FHIP1A: variants seen among roughly 807,000 people sequenced by gnomAD.
FHIP1A encodes the protein FHF complex subunit HOOK-interacting protein 1A.
A neutral mutation model predicts 88.6 loss-of-function variants in FHIP1A; 61 were observed. That is an observed-to-expected ratio of 0.69 (90% CI 0.56 to 0.85). The LOEUF (loss-of-function observed/expected upper bound fraction) is 0.85. Among genes scored for constraint, FHIP1A ranks in the 40% least tolerant of loss-of-function variants. The pLI, the probability that FHIP1A is intolerant of heterozygous loss-of-function variation, is 0.00. For synonymous variants in FHIP1A, 478 were observed against 496.0 expected (o/e 0.96, Z 0.48); for missense variants, 1,154 against 1,273.5 (o/e 0.91, Z 1.43).
At position 151,586,804 on chromosome 4, in the gene FHIP1A, C is replaced by T. The variant is rs1216604772; in HGVS notation, c.891+5C>T. ...TTTTGCAATGCAGTCATACAGGTAC[C>T]AGAGCACAATAAAGGATCCCTTTGC... On this transcript the variant is annotated splice_donor_5th_base_variant and intron_variant, in intron 6 of 13. Coordinates refer to ENST00000435205, the MANE Select transcript of FHIP1A (RefSeq NM_001109977.3). 4 of 1,539,454 alleles carry T rather than the reference C, an allele frequency of 2.6e-6. No individual in the cohort carries two copies. Among genetic ancestry groups the T allele is most frequent in the Non-Finnish European group, 3.5e-6 (4 of 1,137,324 alleles).
chr4:151,572,273 G>A (rs978535661), intron 4 of FHIP1A, among the ~76,000 whole-genome samples: 4 of 152,156 alleles, frequency 2.6e-5, no homozygotes, highest in Non-Finnish European at 4.4e-5. Context: ...CTCTCTTACT[G>A]TGTGCTTGGT....
intron 3 of FHIP1A, among the ~76,000 whole-genome samples, chr4:151,497,674 A>G (rs1730513097): frequency 6.6e-6 from 1 of 152,200 alleles, no homozygotes; most frequent in Non-Finnish European, 1.5e-5. Flanking sequence ...ATCAGTAGGT[A>G]GAAGCCAGAG....
At chr4:151,504,103 A>C (rs1473593660) in intron 3 of FHIP1A, among the ~76,000 whole-genome samples, 1 of 152,228 alleles carries the variant, frequency 6.6e-6, no homozygotes, top group East Asian at 1.9e-4. Flanking sequence ...CAACTATTCT[A>C]AACCTATTCC....
intron 4 of FHIP1A, among the ~76,000 whole-genome samples, chr4:151,573,232 T>C (rs1733659508): frequency 6.6e-6 from 1 of 152,112 alleles, no homozygotes; most frequent in African/African-American, 2.4e-5. Context: ...ATACTTTACA[T>C]TTAGGATCAA....
intron 7 of FHIP1A, among the ~76,000 whole-genome samples, chr4:151,614,163 A>C (rs1735427730): frequency 1.4e-5 from 1 of 72,714 alleles, no homozygotes; most frequent in Admixed American, 1.5e-4. Context: ...ACTCCATCTC[A>C]AAAAAAAAAA....
Position 151,666,784 on chromosome 4 carries a change from A to C in FHIP1A, c.*4030A>C, listed in dbSNP as rs1471145402. On this transcript the variant is annotated 3_prime_UTR_variant, in exon 14 of 14. Transcript: ENST00000435205. ...TTCAGGAGGGAAGCACAGCCGCAGC[A>C]GTCTGGACAAATCAAGTGCTTTAAC... Among the ~76,000 whole-genome samples the C allele has an allele frequency of 5.3e-5, 8 of 152,218 alleles. No homozygotes were observed. Among genetic ancestry groups the C allele is most frequent in the Non-Finnish European group, 8.8e-5 (6 of 68,036 alleles).
chr4:151,643,220 A>G (rs1736658821), intron 9 of FHIP1A, among the ~76,000 whole-genome samples: 1 of 152,176 alleles, frequency 6.6e-6, no homozygotes, highest in Non-Finnish European at 1.5e-5. Flanking sequence ...TGAGTGATGA[A>G]AAGACAGAGA....
intron 2 of FHIP1A, among the ~76,000 whole-genome samples, chr4:151,466,540 A>G (rs1320735797): frequency 6.6e-6 from 1 of 152,226 alleles, no homozygotes; most frequent in Non-Finnish European, 1.5e-5. Flanking sequence ...CTAAGCAAAA[A>G]GAACGAAACT....
At chr4:151,504,031 A>G (rs944922502) in intron 3 of FHIP1A, among the ~76,000 whole-genome samples, 2 of 152,242 alleles carry the variant, frequency 1.3e-5, no homozygotes, top group Admixed American at 6.5e-5. Flanking sequence ...ATATTTGTAC[A>G]AACAATAGCC....
At chr4:151,461,421 A>G (rs1729137996) in intron 2 of FHIP1A, among the ~76,000 whole-genome samples, 1 of 152,202 alleles carries the variant, frequency 6.6e-6, no homozygotes, top group African/African-American at 2.4e-5. Flanking sequence ...TTCTCGTGAC[A>G]ATACCATGGT....
chr4:151,480,787 AC>A (rs1729867711), intron 2 of FHIP1A, among the ~76,000 whole-genome samples: 1 of 151,716 alleles, frequency 6.6e-6, no homozygotes, highest in Non-Finnish European at 1.5e-5. Flanking sequence ...TGCCACTGCT[AC>A]TCCTGTGCCT....
intron 3 of FHIP1A, among the ~76,000 whole-genome samples, chr4:151,528,234 C>T (rs1731754277): frequency 1.3e-5 from 2 of 152,190 alleles, no homozygotes; most frequent in South Asian, 2.1e-4. Flanking sequence ...ATGCCTTGGC[C>T]TGTTAGAGTA....
intron 1 of FHIP1A, among the ~76,000 whole-genome samples, chr4:151,437,187 G>A (rs1728235781): frequency 6.6e-6 from 1 of 151,908 alleles, no homozygotes; most frequent in South Asian, 2.1e-4. Flanking sequence ...GCAAAATAAT[G>A]GCTGAATTGA....
intron 1 of FHIP1A, among the ~76,000 whole-genome samples, chr4:151,429,419 C>T (rs557468986): frequency 6.6e-6 from 1 of 152,264 alleles, no homozygotes; most frequent in Non-Finnish European, 1.5e-5. Context: ...GAAACGTGCC[C>T]TTCAAAGAAA....
intron 13 of FHIP1A, among the ~76,000 whole-genome samples, chr4:151,659,069 A>G (rs1363897385): frequency 6.6e-6 from 1 of 152,162 alleles, no homozygotes; most frequent in African/African-American, 2.4e-5. Context: ...TCTGGAGGCC[A>G]TGATTGCAAA....
intron 1 of FHIP1A, among the ~76,000 whole-genome samples, chr4:151,426,419 A>G (rs1425944003): frequency 6.6e-6 from 1 of 152,052 alleles, no homozygotes; most frequent in Non-Finnish European, 1.5e-5. Flanking sequence ...ATTTCTTACC[A>G]CCATTTCAGA....
intron 7 of FHIP1A, among the ~76,000 whole-genome samples, chr4:151,589,684 A>C (rs540383736): frequency 6.6e-6 from 1 of 152,356 alleles, no homozygotes; most frequent in East Asian, 1.9e-4. Flanking sequence ...ACCATTCTGC[A>C]TCCTGAAGTT....
rs1479850483 is a variant in FHIP1A, at chr4:151,665,674, AG to A, written c.*2923del. Among the ~76,000 whole-genome samples the A allele has an allele frequency of 1.3e-5, 2 of 152,244 alleles. No individual in the cohort carries two copies. The highest frequency in any genetic ancestry group is 2.9e-5 in the Non-Finnish European group (2 of 68,034). Reference sequence around the variant, plus strand: ...TGATCTAGGCGGATATGAAGAAACCAGGGAGTGGGTGGGTGAGAATGGGAAC... The same window carrying A: ...TGATCTAGGCGGATATGAAGAAACCAGGAGTGGGTGGGTGAGAATGGGAAC... On this transcript the variant is annotated 3_prime_UTR_variant, in exon 14 of 14. Transcript: ENST00000435205.
intron 2 of FHIP1A, among the ~76,000 whole-genome samples, chr4:151,477,982 A>G (rs1729765949): frequency 6.6e-6 from 1 of 152,174 alleles, no homozygotes; most frequent in Non-Finnish European, 1.5e-5. Flanking sequence ...TAGACATGCA[A>G]ACATTCATAC....
Sources: allele counts gnomAD v4.1 joint callset (sites outside exome capture counted in the v4.1 genomes callset), GRCh38; gene constraint gnomAD v4.1.1; transcripts MANE v1.5; gene names NCBI Gene and HGNC (gene_info 2026-07-23, HGNC 2026-07-21).